PLPPR1: variants seen among roughly 807,000 people sequenced by gnomAD.
PLPPR1 encodes phospholipid phosphatase-related protein type 1.
PLPPR1 carries 10 observed loss-of-function variants against 33.1 expected under a neutral mutation model. That is an observed-to-expected ratio of 0.30 (90% confidence interval 0.19 to 0.51). PLPPR1 has a LOEUF of 0.51. Ranked by LOEUF, PLPPR1 falls within the 20% of genes least tolerant of loss-of-function variation. The pLI, the probability that PLPPR1 is intolerant of heterozygous loss-of-function variation, is 0.97. For missense variants in PLPPR1, 304 were observed against 408.1 expected, an observed-to-expected ratio of 0.74 and a Z score of 2.20; for synonymous variants, 151 against 151.0, an observed-to-expected ratio of 1.00 and a Z score of 0.00.
chr9:101,057,567 T>C (rs1830292950), intron 1 of PLPPR1, among the ~76,000 whole-genome samples: 1 of 152,204 alleles, frequency 6.6e-6, no homozygotes, highest in Non-Finnish European at 1.5e-5. Context: ...TAATAACTAC[T>C]GCCTTTTTAG....
At chr9:101,039,223 C>T (rs1351993026) in intron 1 of PLPPR1, among the ~76,000 whole-genome samples, 1 of 152,102 alleles carries the variant, frequency 6.6e-6, no homozygotes. Context: ...TCAGATGGAG[C>T]TAGGTTCTAG....
At chr9:101,282,219 A>T (rs150566184) in intron 3 of PLPPR1, among the ~76,000 whole-genome samples, 31 of 152,332 alleles carry the variant, frequency 2.0e-4, no homozygotes, top group Middle Eastern at 3.4e-3. Context: ...ATTTACCATG[A>T]TCATGTGGGA....
At chr9:101,195,167 C>CTTG (rs1440577662) in intron 2 of PLPPR1, among the ~76,000 whole-genome samples, 3 of 152,152 alleles carry the variant, frequency 2.0e-5, no homozygotes, top group African/African-American at 7.2e-5. Flanking sequence ...TGATTCACAA[C>CTTG]ACAGGCTTTT....
chr9:101,215,855 G>A (rs1489626553), intron 2 of PLPPR1, among the ~76,000 whole-genome samples: 1 of 152,034 alleles, frequency 6.6e-6, no homozygotes, highest in African/African-American at 2.4e-5. Context: ...ATACCATTGT[G>A]TATATATGCC....
chr9:101,165,234 G>T (rs186665037), intron 1 of PLPPR1, among the ~76,000 whole-genome samples: 15 of 152,282 alleles, frequency 9.9e-5, no homozygotes, highest in African/African-American at 2.6e-4. Context: ...GCTTAAGAGG[G>T]TTTAAGAGAT....
At chr9:101,150,015 A>G (rs1375839078) in intron 1 of PLPPR1, among the ~76,000 whole-genome samples, 1 of 151,952 alleles carries the variant, frequency 6.6e-6, no homozygotes, top group East Asian at 1.9e-4. Context: ...CATTTCTTTA[A>G]GCCTCTTCAC....
At chr9:101,185,701 T>C in intron 2 of PLPPR1, 144 bp downstream of exon 2, 1 of 568,646 alleles carries the variant, frequency 1.8e-6, no homozygotes, top group Admixed American at 3.5e-5. Context: ...ATTAATAAAC[T>C]ATGCAAAGTG....
At chr9:101,313,730 CTT>C (rs1416903080) in intron 6 of PLPPR1, among the ~76,000 whole-genome samples, 1 of 152,114 alleles carries the variant, frequency 6.6e-6, no homozygotes, top group East Asian at 1.9e-4. Flanking sequence ...TTTGCCTTCT[CTT>C]TCACGGTTGT....
At chr9:101,209,397 A>G (rs1826648251) in intron 2 of PLPPR1, among the ~76,000 whole-genome samples, 1 of 152,238 alleles carries the variant, frequency 6.6e-6, no homozygotes, top group South Asian at 2.1e-4. Flanking sequence ...TGTTATAGAC[A>G]GGACCAACCT....
intron 2 of PLPPR1, among the ~76,000 whole-genome samples, chr9:101,207,493 A>G (rs2987741): frequency 0.12 from 18,726 of 152,086 alleles, 2,403 homozygotes; most frequent in East Asian, 0.32. Context: ...TAGAGCCCAG[A>G]TGCATTTTTT....
At chr9:101,185,607 T>A (rs1424810789) in intron 2 of PLPPR1, 50 bp downstream of exon 2, 2 of 1,146,558 alleles carry the variant, frequency 1.7e-6, no homozygotes, top group Non-Finnish European at 2.6e-6. Flanking sequence ...AAAGTAACAG[T>A]TTTTATTCTG....
intron 1 of PLPPR1, among the ~76,000 whole-genome samples, chr9:101,097,127 C>T (rs966101802): frequency 1.3e-5 from 2 of 152,190 alleles, no homozygotes; most frequent in Non-Finnish European, 2.9e-5. Flanking sequence ...GGATCTCAAA[C>T]TTGAGCATGG....
chr9:101,293,173 C>T (rs1198589735), intron 4 of PLPPR1, among the ~76,000 whole-genome samples: 1 of 151,690 alleles, frequency 6.6e-6, no homozygotes, highest in African/African-American at 2.4e-5. Flanking sequence ...ATAAAACAGA[C>T]TGTAAACCAA....
chr9:101,254,457 CAGA>C (rs1443269357), intron 2 of PLPPR1, among the ~76,000 whole-genome samples: 3 of 152,084 alleles, frequency 2.0e-5, no homozygotes, highest in African/African-American at 7.2e-5. Context: ...GCTGTAAATA[CAGA>C]AGAAGCTTTG....
intron 1 of PLPPR1, among the ~76,000 whole-genome samples, chr9:101,155,333 T>G (rs1207193991): frequency 2.0e-5 from 3 of 152,172 alleles, no homozygotes; most frequent in Non-Finnish European, 4.4e-5. Context: ...GATTTATTTC[T>G]TGCAGTTACA....
intron 1 of PLPPR1, among the ~76,000 whole-genome samples, chr9:101,071,115 G>A (rs1405960410): frequency 6.6e-6 from 1 of 152,056 alleles, no homozygotes; most frequent in East Asian, 1.9e-4. Context: ...CTAAACGCAG[G>A]GTAAGGCCAG....
intron 1 of PLPPR1, among the ~76,000 whole-genome samples, chr9:101,127,670 AG>A (rs1206196116): frequency 2.0e-5 from 3 of 152,176 alleles, no homozygotes; most frequent in Non-Finnish European, 4.4e-5. Flanking sequence ...CCAAGCTACG[AG>A]GGATTTTATG....
chr9:101,160,338 G>A (rs1831756519), intron 1 of PLPPR1, among the ~76,000 whole-genome samples: 1 of 152,140 alleles, frequency 6.6e-6, no homozygotes. Context: ...CACTTCTAAG[G>A]GTTGTTGTGG....
At chr9:101,167,399 G>A (rs1435634443) in intron 1 of PLPPR1, among the ~76,000 whole-genome samples, 2 of 150,954 alleles carry the variant, frequency 1.3e-5, no homozygotes, top group Non-Finnish European at 3.0e-5. Flanking sequence ...ACCATAAAGG[G>A]CTGTCTAATA....
Sources: allele counts gnomAD v4.1 joint callset (sites outside exome capture counted in the v4.1 genomes callset), GRCh38; gene constraint gnomAD v4.1.1; transcripts MANE v1.5; gene names NCBI Gene and HGNC (gene_info 2026-07-23, HGNC 2026-07-21).